The following PMFBP1 variants were observed in gnomAD, a reference collection of about 807,000 sequenced individuals.
PMFBP1 encodes the protein polyamine-modulated factor 1-binding protein 1.
Under a neutral mutation model 137.8 loss-of-function variants are expected in PMFBP1, and 131 were observed. The observed-to-expected ratio is 0.95, with a 90% CI of 0.82 to 1.10. The LOEUF is 1.10. Among genes scored for constraint, PMFBP1 ranks in the 50% least tolerant of loss-of-function variants. The probability of loss-of-function intolerance (pLI) is 0.00; values close to 1 mark genes in which losing one functional copy is unlikely to be tolerated. For missense variants in PMFBP1, 1,199 were observed against 1,175.4 expected (o/e 1.02, Z -0.29); for synonymous variants, 490 against 450.4 (o/e 1.09, Z -1.11).
chr16:72,170,380 A>G (rs1189080895), intron 2 of PMFBP1, among the ~76,000 whole-genome samples: 1 of 152,088 alleles, frequency 6.6e-6, no homozygotes, highest in Non-Finnish European at 1.5e-5. Flanking sequence ...CTCATCAAAA[A>G]AGTCCCCTTA....
chr16:72,124,940 C>G lies in PMFBP1; in HGVS notation c.2422-6G>C. 6.2e-7 allele frequency: 1 copy of G among 1,613,014 alleles called. No homozygotes were observed. The highest frequency in any genetic ancestry group is 8.5e-7 in the Non-Finnish European group (1 of 1,179,332). The stretch of plus-strand genomic sequence containing the variant: ...TTCTTGTCAAAGGCGTGCACCTACT[C>G]AGGAGAGCAAAGTGAGGAGGGGGAC... On this transcript the variant is annotated splice_polypyrimidine_tract_variant and splice_region_variant and intron_variant, in intron 16 of 20. Coordinates refer to ENST00000237353, the MANE Select transcript of PMFBP1 (RefSeq NM_031293.3).
chr16:72,204,499 G>T, the PMFBP1 span, among the ~76,000 whole-genome samples: 1 of 152,072 alleles, frequency 6.6e-6, no homozygotes. Flanking sequence ...CACCACACCT[G>T]GCCATTGTGC....
chr16:72,120,931 G>A (rs1385009488), intron 19 of PMFBP1, among the ~76,000 whole-genome samples: 1 of 152,182 alleles, frequency 6.6e-6, no homozygotes, highest in Non-Finnish European at 1.5e-5. Context: ...GCTCATATGT[G>A]TCAACGCTTA....
chr16:72,121,499 G>A (rs1597456851), intron 19 of PMFBP1, among the ~76,000 whole-genome samples: 1 of 152,198 alleles, frequency 6.6e-6, no homozygotes, highest in Admixed American at 6.5e-5. Context: ...CTAGAATAGG[G>A]CTTTCCACCT....
chr16:72,227,797 C>G, the PMFBP1 span, among the ~76,000 whole-genome samples: 1 of 152,146 alleles, frequency 6.6e-6, no homozygotes, highest in African/African-American at 2.4e-5. Context: ...ATATTCACCA[C>G]ATGTGGTTTC....
intron 5 of PMFBP1, among the ~76,000 whole-genome samples, chr16:72,145,169 A>G (rs2042786059): frequency 6.6e-6 from 1 of 152,222 alleles, no homozygotes; most frequent in Non-Finnish European, 1.5e-5. Flanking sequence ...AATAGAAATC[A>G]CAACAAACTG....
intron 14 of PMFBP1, 97 bp downstream of exon 14, chr16:72,128,560 A>C: frequency 6.2e-7 from 1 of 1,607,294 alleles, no homozygotes; most frequent in Non-Finnish European, 8.5e-7. Context: ...CTGAGCAGTT[A>C]GCTGCATTTC....
the PMFBP1 span, among the ~76,000 whole-genome samples, chr16:72,195,987 G>A: frequency 3.7e-3 from 42 of 11,368 alleles, no homozygotes; most frequent in East Asian, 0.021. Flanking sequence ...CAGAATGTGT[G>A]TGTGTGTGTG....
chr16:72,237,628 C>T, the PMFBP1 span, among the ~76,000 whole-genome samples: 1 of 152,004 alleles, frequency 6.6e-6, no homozygotes, highest in Non-Finnish European at 1.5e-5. Context: ...CTAGCCAACT[C>T]TATATGTCTT....
intron 6 of PMFBP1, 32 bp downstream of exon 6, chr16:72,140,379 TC>T (rs2042698655): frequency 3.2e-6 from 5 of 1,577,978 alleles, no homozygotes; most frequent in Non-Finnish European, 4.4e-6. Flanking sequence ...ATTGAGGGTC[TC>T]CCAGAGACAT....
At chr16:72,196,005 GTGTGT>G in the PMFBP1 span, among the ~76,000 whole-genome samples, 1 of 151,758 alleles carries the variant, frequency 6.6e-6, no homozygotes, top group South Asian at 2.1e-4. Context: ...GTGTGTGTGT[GTGTGT>G]GTGTGTGTGT....
chr16:72,119,151 G>A lies in PMFBP1; in HGVS notation c.*187C>T, dbSNP rs2042339486. ...GTTTGGGCCTGGAGATGGTAGTATGGTTCTAAAGCTCACTCCATGGCAGGA... is the reference window on the plus strand; with the variant it reads ...GTTTGGGCCTGGAGATGGTAGTATGATTCTAAAGCTCACTCCATGGCAGGA... On this transcript the variant is annotated 3_prime_UTR_variant, in exon 21 of 21. Coordinates refer to ENST00000237353, the MANE Select transcript of PMFBP1 (RefSeq NM_031293.3). 1.6e-6 allele frequency: 1 copy of A among 627,840 alleles called. No homozygotes were observed. Among genetic ancestry groups the A allele is most frequent in the Non-Finnish European group, 2.8e-6 (1 of 357,904 alleles). 38.9% of individuals were successfully genotyped at this position (627,840 alleles called of 1,614,324 possible). A position where few individuals can be genotyped will look rare whatever the true frequency, so the allele number is the denominator to read the frequency against.
the PMFBP1 span, among the ~76,000 whole-genome samples, chr16:72,229,257 G>A: frequency 6.6e-6 from 1 of 152,100 alleles, no homozygotes; most frequent in Non-Finnish European, 1.5e-5. Context: ...GTCCACTGTT[G>A]ATGGGCATTT....
At chr16:72,123,331 G>C (rs1037575858) in intron 18 of PMFBP1, among the ~76,000 whole-genome samples, 2 of 152,150 alleles carry the variant, frequency 1.3e-5, no homozygotes, top group African/African-American at 4.8e-5. Context: ...CTTCCTTCCT[G>C]CCATCGCTGT....
At chr16:72,224,896 C>G in the PMFBP1 span, 1 of 152,198 alleles carries the variant, frequency 6.6e-6, no homozygotes, top group Admixed American at 6.5e-5. Flanking sequence ...GTATCCCACA[C>G]AGAATTTGTA....
chr16:72,145,177 C>T (rs2042786237), intron 5 of PMFBP1, among the ~76,000 whole-genome samples: 1 of 152,196 alleles, frequency 6.6e-6, no homozygotes, highest in African/African-American at 2.4e-5. Flanking sequence ...TCACAACAAA[C>T]TGTCTCTCAG....
the PMFBP1 span, among the ~76,000 whole-genome samples, chr16:72,201,918 T>G: frequency 2.0e-5 from 3 of 152,218 alleles, no homozygotes; most frequent in Admixed American, 6.5e-5. Context: ...CAGATCCTTC[T>G]CATTTTCCTC....
At chr16:72,197,874 C>T in the PMFBP1 span, among the ~76,000 whole-genome samples, 1 of 152,174 alleles carries the variant, frequency 6.6e-6, no homozygotes, top group African/African-American at 2.4e-5. Flanking sequence ...ATCACATCTG[C>T]ACACCAAACC....
chr16:72,145,557 C>CA (rs1298385950), intron 5 of PMFBP1, among the ~76,000 whole-genome samples: 1 of 151,752 alleles, frequency 6.6e-6, no homozygotes, highest in Non-Finnish European at 1.5e-5. Context: ...GATAGAGACA[C>CA]AAAAAAACCT....
Sources: allele counts gnomAD v4.1 joint callset (sites outside exome capture counted in the v4.1 genomes callset), GRCh38; gene constraint gnomAD v4.1.1; transcripts MANE v1.5; gene names NCBI Gene and HGNC (gene_info 2026-07-23, HGNC 2026-07-21).